FBLN5: variants seen among roughly 807,000 people sequenced by gnomAD.
FBLN5 encodes the protein fibulin 5, also known as fibulin-5.
In FBLN5, 24 loss-of-function variants were observed where a neutral mutation model predicts 61.6. The observed-to-expected ratio is 0.39, with a 90% confidence interval of 0.28 to 0.55. The LOEUF is 0.55. Among genes scored for constraint, FBLN5 ranks in the 20% least tolerant of loss-of-function variants. The pLI, the probability that FBLN5 is intolerant of heterozygous loss-of-function variation, is 0.65. For missense variants in FBLN5, 470 were observed against 594.1 expected (o/e 0.79, Z 2.17); for synonymous variants, 213 against 219.8 (o/e 0.97, Z 0.27).
chr14:91,894,679 G>A (rs1342681570), intron 5 of FBLN5, among the ~76,000 whole-genome samples: 5 of 152,256 alleles, frequency 3.3e-5, no homozygotes, highest in South Asian at 4.1e-4. Flanking sequence ...CCGAAATTGC[G>A]CCATTGCACT....
intron 4 of FBLN5, among the ~76,000 whole-genome samples, chr14:91,914,599 C>CAT (rs1261854411): frequency 6.6e-6 from 1 of 150,540 alleles, no homozygotes; most frequent in African/African-American, 2.4e-5. Flanking sequence ...CATGCCACTG[C>CAT]ATACAGCCTA....
At chr14:91,912,943 CCATCCATT>C (rs1891020083) in intron 4 of FBLN5, among the ~76,000 whole-genome samples, 1 of 152,160 alleles carries the variant, frequency 6.6e-6, no homozygotes, top group South Asian at 2.1e-4. Context: ...GTTCACTCAT[CCATCCATT>C]CATCCATTCA....
intron 4 of FBLN5, among the ~76,000 whole-genome samples, chr14:91,923,088 A>C (rs1232427790): frequency 6.6e-6 from 1 of 152,182 alleles, no homozygotes; most frequent in Non-Finnish European, 1.5e-5. Context: ...GGTTGTCATA[A>C]GCATCTTTGC....
At chr14:91,909,152 C>T (rs1219351156) in intron 4 of FBLN5, among the ~76,000 whole-genome samples, 2 of 152,072 alleles carry the variant, frequency 1.3e-5, no homozygotes, top group Non-Finnish European at 2.9e-5. Flanking sequence ...CTCCTGACCT[C>T]GTGATCCGCC....
At chr14:91,884,408 T>G (rs1280330441) in intron 7 of FBLN5, among the ~76,000 whole-genome samples, 1 of 152,230 alleles carries the variant, frequency 6.6e-6, no homozygotes, top group Non-Finnish European at 1.5e-5. Flanking sequence ...TAGATTCCAC[T>G]CATACTTTCA....
intron 2 of FBLN5, among the ~76,000 whole-genome samples, chr14:91,941,605 C>T (rs554303860): frequency 4.6e-5 from 7 of 152,202 alleles, no homozygotes; most frequent in African/African-American, 7.2e-5. Context: ...GTGGAACAGA[C>T]GAGCCAGGAA....
intron 7 of FBLN5, among the ~76,000 whole-genome samples, chr14:91,883,354 C>T (rs955072394): frequency 6.6e-6 from 1 of 152,180 alleles, no homozygotes; most frequent in Non-Finnish European, 1.5e-5. Context: ...GCCTCTCACT[C>T]GGCTGCACCT....
chr14:91,871,882 C>A (rs1888948170), intron 10 of FBLN5, among the ~76,000 whole-genome samples: 1 of 151,660 alleles, frequency 6.6e-6, no homozygotes, highest in African/African-American at 2.4e-5. Flanking sequence ...TCTCATAAAA[C>A]CCTGAAAGGC....
At chr14:91,881,443 C>A (rs753626054) in intron 8 of FBLN5, 25 bp from the exon 9 acceptor site, 4 of 1,613,778 alleles carry the variant, frequency 2.5e-6, no homozygotes, top group Non-Finnish European at 3.4e-6. Context: ...AGACAAGAAG[C>A]GGAGGCAGGG....
Position 91,891,223 on chromosome 14 carries a change from T to C in FBLN5, c.617A>G (p.Gln206Arg). 6.3e-7 allele frequency: 1 copy of C among 1,580,056 alleles called. No homozygotes were observed. The change falls in exon 6 of 11, where the codon CAA (glutamine) becomes CGA (arginine). Residue 206 changes from glutamine to arginine, a missense_variant and splice_region_variant. Physicochemically the swap from Gln to Arg is conservative, Grantham distance 43. Coordinates refer to ENST00000342058, the MANE Select transcript of FBLN5 (RefSeq NM_006329.4). ...FTLNEDGRSC[Q>R]DVNECATENP... ...AAGTTATCATGCACGTCACATACCT[T>C]GGCAAGACCTTCCATCCTCATTGAG...
intron 10 of FBLN5, among the ~76,000 whole-genome samples, chr14:91,877,214 A>G (rs927621298): frequency 1.3e-5 from 2 of 152,174 alleles, no homozygotes; most frequent in African/African-American, 4.8e-5. Context: ...TGCCTCTCCA[A>G]CAGAATATTA....
At chr14:91,881,668 C>T (rs1156885933) in intron 8 of FBLN5, among the ~76,000 whole-genome samples, 1 of 152,130 alleles carries the variant, frequency 6.6e-6, no homozygotes, top group African/African-American at 2.4e-5. Context: ...TGGCTTACGT[C>T]TGTAATCCCG....
chr14:91,887,897 A>T (rs1300103599), intron 6 of FBLN5, among the ~76,000 whole-genome samples: 1 of 152,206 alleles, frequency 6.6e-6, no homozygotes, highest in Non-Finnish European at 1.5e-5. Flanking sequence ...GAAATCCATT[A>T]TCTTGAGTGT....
At chr14:91,876,620 C>T (rs1359696337) in intron 10 of FBLN5, among the ~76,000 whole-genome samples, 1 of 152,118 alleles carries the variant, frequency 6.6e-6, no homozygotes, top group Non-Finnish European at 1.5e-5. Context: ...AGCGTGACCA[C>T]AGAGGCAGAT....
At chr14:91,924,528 A>C (rs2055793361) in intron 4 of FBLN5, among the ~76,000 whole-genome samples, 1 of 49,032 alleles carries the variant, frequency 2.0e-5, no homozygotes, top group African/African-American at 6.4e-5. Context: ...TCTCTTCTAA[A>C]ATACAAAAAA....
rs2056128116 is a variant in FBLN5, at chr14:91,942,890, A to T, written c.72+17T>A. On this transcript the variant is annotated intron_variant, in intron 2 of 10. Coordinates refer to ENST00000342058, the MANE Select transcript of FBLN5 (RefSeq NM_006329.4). ...TTTAATACGCTTGTAGATATTTTTT[A>T]AAAATAAAAATCTTACCTGTGCATT... 4 of 1,488,230 alleles carry T rather than the reference A, an allele frequency of 2.7e-6. No individual in the cohort carries two copies. Among genetic ancestry groups the T allele is most frequent in the Non-Finnish European group, 2.8e-6 (3 of 1,089,398 alleles). The allele number at this position is 1,488,230 out of a possible 1,614,324, so 92.2% of individuals were successfully genotyped here.
intron 10 of FBLN5, among the ~76,000 whole-genome samples, chr14:91,870,799 C>A (rs558001972): frequency 6.6e-6 from 1 of 152,294 alleles, no homozygotes; most frequent in South Asian, 2.1e-4. Flanking sequence ...ACCACTGAGT[C>A]CCCCTAGAAG....
Position 91,947,287 on chromosome 14 carries a change from C to G in FBLN5, c.-58G>C. 6.2e-7 allele frequency: 1 copy of G among 1,611,130 alleles called. No individual in the cohort carries two copies. The highest frequency in any genetic ancestry group is 8.5e-7 in the Non-Finnish European group (1 of 1,177,586). ...GAGAAGAAAGCTCGCGGGCGGGACC[C>G]CCGGAGGAGCTCGGGCACGTCGGCC... On this transcript the variant is annotated 5_prime_UTR_variant, in exon 1 of 11. Coordinates refer to ENST00000342058, the MANE Select transcript of FBLN5 (RefSeq NM_006329.4). The surrounding 1 kb of genome is among the most constrained non-coding windows in gnomAD (Gnocchi z 4.3).
Position 91,936,936 on chromosome 14 carries a change from G to T in FBLN5, c.379+11C>A. On this transcript the variant is annotated intron_variant, in intron 4 of 10. Transcript: ENST00000342058. ...GCACAGCGGAGAGGAACAAAAGGCC[G>T]GGCTACTCACCCACACATTGGTTGC... is the stretch of plus-strand genomic sequence containing the variant. 2 of 1,614,064 alleles carry T rather than the reference G, an allele frequency of 1.2e-6. No homozygotes were observed. The highest frequency in any genetic ancestry group is 1.1e-5 in the South Asian group (1 of 91,046).
Sources: allele counts gnomAD v4.1 joint callset (sites outside exome capture counted in the v4.1 genomes callset), GRCh38; gene constraint gnomAD v4.1.1; non-coding constraint Gnocchi (gnomAD v3.1); transcripts MANE v1.5; gene names NCBI Gene and HGNC (gene_info 2026-07-23, HGNC 2026-07-21).